The following STKLD1 variants were observed in gnomAD, a reference collection of about 807,000 sequenced individuals.
STKLD1 encodes serine/threonine kinase like domain containing 1.
Under a neutral mutation model 80.4 loss-of-function variants are expected in STKLD1, and 79 were observed. The ratio of observed to expected loss-of-function variants is 0.98; its 90% CI spans 0.82 to 1.19. The LOEUF is 1.19. Among genes scored for constraint, STKLD1 ranks in the 50% most tolerant of loss-of-function variants. The pLI is 0.00. For synonymous variants in STKLD1, 393 were observed against 357.6 expected, an observed-to-expected ratio of 1.10 and a Z score of -1.12; for missense variants, 841 against 856.0, an observed-to-expected ratio of 0.98 and a Z score of 0.22.
intron 9 of STKLD1, 139 bp downstream of exon 9, chr9:133,395,902 T>C: frequency 1.1e-6 from 1 of 904,926 alleles, no homozygotes; most frequent in South Asian, 1.7e-5. Context: ...CCTGCACAGC[T>C]GGGCTTTGCC....
chr9:133,403,207 G>C (rs1554778032), intron 14 of STKLD1, among the ~76,000 whole-genome samples, 195 bp downstream of exon 14: 1 of 152,254 alleles, frequency 6.6e-6, no homozygotes, highest in Admixed American at 6.5e-5. Context: ...AAAAGGCAGG[G>C]GAGAAAGGCC....
rs1393907962 is a variant in STKLD1, at chr9:133,385,343, C to G, written c.220-274C>G. Among the ~76,000 whole-genome samples the G allele has an allele frequency of 1.3e-5, 2 of 152,198 alleles. No homozygotes were observed. The highest frequency in any genetic ancestry group is 2.4e-5 in the African/African-American group (1 of 41,446). On this transcript the variant is annotated intron_variant, in intron 3 of 17. Transcript: ENST00000371957. The surrounding 1 kb of genome is among the most constrained non-coding windows in gnomAD (Gnocchi z 4.9). ...TGCCTGCCACAGCTCACTCACCCCC[C>G]ATGGTATCCCTGTGAGGCAGATTCC...
In STKLD1 at chr9:133,384,270, C is replaced by T. The variant is rs587684871; in HGVS notation, c.219+370C>T. 1 of 185,016 alleles carries T rather than the reference C, an allele frequency of 5.4e-6. No homozygotes were observed. The highest frequency in any genetic ancestry group is 2.4e-5 in the African/African-American group (1 of 42,500). 11.5% of individuals were successfully genotyped at this position (185,016 alleles called of 1,614,324 possible). A position where few individuals can be genotyped will look rare whatever the true frequency, so the allele number is the denominator to read the frequency against. On this transcript the variant is annotated intron_variant, in intron 3 of 17. Coordinates refer to ENST00000371957, the MANE Select transcript of STKLD1 (RefSeq NM_153710.5). This position sits in a 1 kb window ranked among gnomAD's most constrained non-coding sequence, Gnocchi z 4.3. ...CCTAGCCAACATGGGGAAACCCTGT[C>T]TCAACCAAAAATACAAAAAAATTAG...
At chr9:133,400,380 A>AATGAGTC in intron 11 of STKLD1, 33 bp from the exon 12 acceptor site, 3 of 1,568,170 alleles carry the variant, frequency 1.9e-6, no homozygotes, top group African/African-American at 1.3e-5. Context: ...TCTGGCCCAA[A>AATGAGTC]ATGAGTCTCC....
Position 133,376,543 on chromosome 9 carries a change from C to A in STKLD1, c.70C>A (p.Pro24Thr). The A allele has an allele frequency of 6.3e-7, 1 of 1,598,798 alleles. No individual in the cohort carries two copies. The highest frequency in any genetic ancestry group is 1.7e-5 in the Admixed American group (1 of 57,922). Residue 24 changes from proline (P) to threonine (T), a missense_variant, in exon 1 of 18, where the codon CCC becomes ACC. Pro to Thr is a conservative substitution (Grantham distance 38). Coordinates refer to ENST00000371957, the MANE Select transcript of STKLD1 (RefSeq NM_153710.5). Reference sequence around the variant, plus strand: ...GCGAGGCCCAGGGTCCCCCGGAGAGCCCATGGAGAAGTACCAGGTGCCGAG... The same window carrying A: ...GCGAGGCCCAGGGTCCCCCGGAGAGACCATGGAGAAGTACCAGGTGCCGAG... The part of the protein sequence containing the change: ...GERGPGSPGE[P>T]MEKYQVLYQL...
intron 9 of STKLD1, among the ~76,000 whole-genome samples, chr9:133,396,783 A>C (rs1378418700): frequency 4.6e-5 from 7 of 152,134 alleles, no homozygotes; most frequent in Non-Finnish European, 4.4e-5. Context: ...AAAACAAAAC[A>C]AAAAACCCAA....
intron 1 of STKLD1, among the ~76,000 whole-genome samples, chr9:133,377,891 C>A (rs1231666846): frequency 6.6e-6 from 1 of 152,164 alleles, no homozygotes; most frequent in East Asian, 1.9e-4. Flanking sequence ...TGTTTTCTTG[C>A]AACTAGACCA....
At chr9:133,401,606 TCAGAACAA>T (rs1402501624) in intron 12 of STKLD1, 124 bp from the exon 13 acceptor site, 35 of 1,167,260 alleles carry the variant, frequency 3.0e-5, no homozygotes, top group Non-Finnish European at 4.1e-5. Context: ...CTGCTCTGGG[TCAGAACAA>T]GGCAGACCTC....
chr9:133,383,854 A>G lies in STKLD1; in HGVS notation c.175-2A>G. 1 of 1,613,958 alleles carries G rather than the reference A, an allele frequency of 6.2e-7. No homozygotes were observed. Among genetic ancestry groups the G allele is most frequent in the Non-Finnish European group, 8.5e-7 (1 of 1,179,904 alleles). ...TAAGCTCATGCTCTTGTGCCCTTGCAGGTGGAATGCATGGATGACCATTAC... is the reference window on the plus strand; with the variant it reads ...TAAGCTCATGCTCTTGTGCCCTTGCGGGTGGAATGCATGGATGACCATTAC... On this transcript the variant is annotated splice_acceptor_variant, in intron 2 of 17. Transcript: ENST00000371957. LOFTEE classifies it high-confidence loss of function.
At position 133,405,256 on chromosome 9, in the gene STKLD1, G is replaced by A. The variant is rs894447868; in HGVS notation, c.1878G>A (p.Glu626=). The change falls in exon 18 of 18, where the codon GAG becomes GAA. Residue 626 remains glutamate, a synonymous_variant. Coordinates refer to ENST00000371957, the MANE Select transcript of STKLD1 (RefSeq NM_153710.5). ...MLLVHLASYE[E]ILPELVSSSM... Reference sequence around the variant, plus strand: ...ACCTTCCTGCTCCACCTGCAGAGGAGATCCTGCCGGAGCTGGTGTCCAGTA... The same window carrying A: ...ACCTTCCTGCTCCACCTGCAGAGGAAATCCTGCCGGAGCTGGTGTCCAGTA... 13 of 1,603,730 alleles carry A rather than the reference G, an allele frequency of 8.1e-6. No homozygotes were observed. In the African/African-American group the frequency reaches 1.7e-4, roughly 21 times the overall value.
chr9:133,385,773 A>AC lies in STKLD1; in HGVS notation c.294+88dup. Reference sequence around the variant, plus strand: ...AGCAGACTGAGCCCAGAGCACGCCCACCCCCCACTGTCAGAATAGCTCGTG... The same window carrying AC: ...AGCAGACTGAGCCCAGAGCACGCCCACCCCCCCACTGTCAGAATAGCTCGTG... On this transcript the variant is annotated intron_variant, in intron 4 of 17. Coordinates refer to ENST00000371957, the MANE Select transcript of STKLD1 (RefSeq NM_153710.5). The surrounding 1 kb of genome is among the most constrained non-coding windows in gnomAD (Gnocchi z 4.9). 7.7e-7 allele frequency: 1 copy of AC among 1,295,214 alleles called. No homozygotes were observed. The highest frequency in any genetic ancestry group is 1.1e-6 in the Non-Finnish European group (1 of 904,754). 80.2% of individuals were successfully genotyped at this position (1,295,214 alleles called of 1,614,324 possible).
At position 133,376,575 on chromosome 9, in the gene STKLD1, C is replaced by G. The variant is rs182135120; in HGVS notation, c.87+15C>G. 1.3e-3 allele frequency: 2,036 copies of G among 1,575,880 alleles called. 15 individuals are homozygous for G. The African/African-American group carries it at 0.023, about 18-fold the overall frequency. On this transcript the variant is annotated intron_variant, in intron 1 of 17. Transcript: ENST00000371957. The stretch of plus-strand genomic sequence containing the variant: ...AGAAGTACCAGGTGCCGAGTGTTCC[C>G]TGCGGGGAGGCGGGAGCTCCGTGGG...
intron 13 of STKLD1, among the ~76,000 whole-genome samples, chr9:133,402,273 T>A (rs920119845): frequency 1.3e-5 from 2 of 152,108 alleles, no homozygotes; most frequent in South Asian, 4.1e-4. Context: ...GAGAGGGCCA[T>A]ACAGAGCGCT....
rs587747583 is a variant in STKLD1, at chr9:133,405,149, G to A, written c.1874-103G>A. On this transcript the variant is annotated intron_variant, in intron 17 of 17. Transcript: ENST00000371957. ...GGAACTGCAAGGTGGCTCTGTGCAT[G>A]CCAAGCCCAAGGGGGAATGTGACCC... The A allele has an allele frequency of 1.7e-5, 24 of 1,438,702 alleles. No homozygotes were observed. In the East Asian group the frequency reaches 4.6e-4, roughly 28 times the overall value. 89.1% of individuals were successfully genotyped at this position (1,438,702 alleles called of 1,614,324 possible).
In STKLD1 at chr9:133,385,450, C is replaced by T. The variant is rs1838242714; in HGVS notation, c.220-167C>T. 6.6e-6 allele frequency among the ~76,000 whole-genome samples: 1 copy of T among 152,208 alleles called. No individual in the cohort carries two copies. ...CTCATGCTGGAGACAGGACCCACATCGGACTGCCTGGCTCCCAACCACCGT... is the reference window on the plus strand; with the variant it reads ...CTCATGCTGGAGACAGGACCCACATTGGACTGCCTGGCTCCCAACCACCGT... On this transcript the variant is annotated intron_variant, in intron 3 of 17. Transcript: ENST00000371957. This position sits in a 1 kb window ranked among gnomAD's most constrained non-coding sequence, Gnocchi z 4.9.
At chr9:133,395,903 G>A (rs57394597) in intron 9 of STKLD1, 140 bp downstream of exon 9, 76,365 of 896,146 alleles carry the variant, frequency 0.085, 4,117 homozygotes, top group African/African-American at 0.21. Flanking sequence ...CTGCACAGCT[G>A]GGCTTTGCCC....
At position 133,385,693 on chromosome 9, in the gene STKLD1, T is replaced by G. The variant is rs1172035618; in HGVS notation, c.294+2T>G. 1 of 1,612,784 alleles carries G rather than the reference T, an allele frequency of 6.2e-7. No individual in the cohort carries two copies. Among genetic ancestry groups the G allele is most frequent in the African/African-American group, 1.3e-5 (1 of 74,970 alleles). On this transcript the variant is annotated splice_donor_variant, in intron 4 of 17. Coordinates refer to ENST00000371957, the MANE Select transcript of STKLD1 (RefSeq NM_153710.5). LOFTEE classifies it high-confidence loss of function. The surrounding 1 kb of genome is among the most constrained non-coding windows in gnomAD (Gnocchi z 4.9). ...CTGTTCATCACGTGGAATGGGGAGG[T>G]GGGTCAGAGCTGACACCTACGGGCT...
intron 5 of STKLD1, among the ~76,000 whole-genome samples, chr9:133,388,386 T>C (rs1838310424): frequency 6.6e-6 from 1 of 152,176 alleles, no homozygotes; most frequent in Non-Finnish European, 1.5e-5. Context: ...TAGCTGGGAC[T>C]ACAGGTGCCC....
chr9:133,377,302 C>T (rs1838003005), intron 1 of STKLD1, among the ~76,000 whole-genome samples: 1 of 152,154 alleles, frequency 6.6e-6, no homozygotes, highest in South Asian at 2.1e-4. Context: ...CTCCATTTTA[C>T]TGTTTAATTT....
Sources: gnomAD v4.1 joint callset for allele counts (sites outside exome capture counted in the v4.1 genomes callset) on GRCh38, gnomAD v4.1.1 for gene constraint, Gnocchi (gnomAD v3.1) non-coding constraint, MANE v1.5 for transcripts, NCBI Gene and HGNC (gene_info 2026-07-23, HGNC 2026-07-21) for gene names.